The following CFTR variants were observed in gnomAD, a reference collection of about 807,000 sequenced individuals.
The protein encoded by CFTR is CF transmembrane conductance regulator, also known as cystic fibrosis transmembrane conductance regulator.
In CFTR, 181 loss-of-function variants were observed where a neutral mutation model predicts 171.6. That is an observed-to-expected ratio of 1.05 (90% CI 0.93 to 1.19). CFTR has a LOEUF of 1.19. CFTR is among the 50% of genes most tolerant of loss of function. The pLI, the probability that CFTR is intolerant of heterozygous loss-of-function variation, is 0.00. For missense variants in CFTR, 1,968 were observed against 1,734.7 expected (o/e 1.13, Z -2.39); for synonymous variants, 583 against 608.0 (o/e 0.96, Z 0.60).
rs966524603 is a variant in CFTR, at chr7:117,559,458, T to C, written c.1393-6T>C. 22 of 1,588,544 alleles carry C rather than the reference T, an allele frequency of 1.4e-5. No individual in the cohort carries two copies. Among genetic ancestry groups the C allele is most frequent in the Non-Finnish European group, 1.9e-5 (22 of 1,157,532 alleles). ...ATGACCTAATAATGATGGGTTTTAT[T>C]TCCAGACTTCACTTCTAATGGTGAT... On this transcript the variant is annotated splice_region_variant and splice_polypyrimidine_tract_variant and intron_variant, in intron 10 of 26. Coordinates refer to ENST00000003084, the MANE Select transcript of CFTR (RefSeq NM_000492.4).
At position 117,591,125 on chromosome 7, in the gene CFTR, T is replaced by C. The variant is rs566249889; in HGVS notation, c.1766+686T>C. On this transcript the variant is annotated intron_variant, in intron 13 of 26. Transcript: ENST00000003084. Reference sequence around the variant, plus strand: ...AATAAAGATGTATATGTATATAAAATGGCTGGGTTATTCCTAGAAGTACCT... The same window carrying C: ...AATAAAGATGTATATGTATATAAAACGGCTGGGTTATTCCTAGAAGTACCT... Among the ~76,000 whole-genome samples the C allele has an allele frequency of 4.6e-5, 7 of 152,266 alleles. No homozygotes were observed. The South Asian group carries it at 1.2e-3, about 27-fold the overall frequency.
intron 10 of CFTR, among the ~76,000 whole-genome samples, chr7:117,552,184 A>G (rs1799283589): frequency 6.6e-6 from 1 of 151,950 alleles, no homozygotes; most frequent in Non-Finnish European, 1.5e-5. Context: ...GCTGAACTTC[A>G]GTGGTGTGAT....
At chr7:117,483,512 G>A (rs893234693) in intron 1 of CFTR, among the ~76,000 whole-genome samples, 11 of 151,854 alleles carry the variant, frequency 7.2e-5, no homozygotes, top group Non-Finnish European at 1.5e-4. Context: ...CTAATTTTAG[G>A]TGTTTTCATT....
chr7:117,668,062 A>C lies in CFTR; in HGVS notation c.*954A>C, dbSNP rs771992860. 3.3e-5 allele frequency: 5 copies of C among 152,232 alleles called. No individual in the cohort carries two copies. The highest frequency in any genetic ancestry group is 7.3e-5 in the Non-Finnish European group (5 of 68,068). 9.4% of individuals were successfully genotyped at this position (152,232 alleles called of 1,614,324 possible). A position where few individuals can be genotyped will look rare whatever the true frequency, so the allele number is the denominator to read the frequency against. On this transcript the variant is annotated 3_prime_UTR_variant, in exon 27 of 27. Coordinates refer to ENST00000003084, the MANE Select transcript of CFTR (RefSeq NM_000492.4). ...CTGTGGGTAGACACACATGAAGTCC[A>C]AGCATTTAGATGTATAGGTTGATGG...
intron 3 of CFTR, among the ~76,000 whole-genome samples, chr7:117,518,119 T>C (rs1023791562): frequency 6.6e-6 from 1 of 151,942 alleles, no homozygotes; most frequent in Non-Finnish European, 1.5e-5. Context: ...AAGTGCTCTC[T>C]CTATATATGG....
intron 25 of CFTR, 116 bp from the exon 26 acceptor site, chr7:117,665,343 G>T (rs143287422): frequency 1.3e-3 from 892 of 700,334 alleles, no homozygotes; most frequent in Non-Finnish European, 1.4e-3. Context: ...TATGTGAAAA[G>T]AACTTAAAGA....
intron 15 of CFTR, among the ~76,000 whole-genome samples, chr7:117,600,142 T>A (rs974112545): frequency 1.3e-5 from 2 of 152,046 alleles, no homozygotes; most frequent in Non-Finnish European, 2.9e-5. Flanking sequence ...GAAAAAAAAT[T>A]AATTTGGTCT....
chr7:117,516,911 A>G (rs1798603440), intron 3 of CFTR, among the ~76,000 whole-genome samples: 1 of 152,134 alleles, frequency 6.6e-6, no homozygotes, highest in African/African-American at 2.4e-5. Flanking sequence ...CAATTTCATT[A>G]TTGTAAAGTG....
At chr7:117,538,057 C>T (rs1440136375) in intron 7 of CFTR, among the ~76,000 whole-genome samples, 5 of 152,196 alleles carry the variant, frequency 3.3e-5, no homozygotes, top group Admixed American at 1.3e-4. Context: ...ATCTATCCCT[C>T]TTACTTGGAA....
At chr7:117,588,308 A>C (rs1791976239) in intron 12 of CFTR, among the ~76,000 whole-genome samples, 1 of 152,122 alleles carries the variant, frequency 6.6e-6, no homozygotes, top group Non-Finnish European at 1.5e-5. Context: ...ATAATATTTA[A>C]AATAAACAGG....
Position 117,592,394 on chromosome 7 carries a change from G to C in CFTR, c.2227G>C (p.Glu743Gln). The C allele has an allele frequency of 6.2e-7, 1 of 1,614,012 alleles. No individual in the cohort carries two copies. The highest frequency in any genetic ancestry group is 1.3e-5 in the African/African-American group (1 of 75,060). The change falls in exon 14 of 27, where the codon GAG becomes CAG. Residue 743 changes from glutamate to glutamine, a missense_variant. Physicochemically the swap from Glu to Gln is conservative, Grantham distance 29 (BLOSUM62 2). Coordinates refer to ENST00000003084, the MANE Select transcript of CFTR (RefSeq NM_000492.4). ...AAGGCTGTCCTTAGTACCAGATTCT[G>C]AGCAGGGAGAGGCGATACTGCCTCG... ...ERRLSLVPDS[E>Q]QGEAILPRIS...
intron 12 of CFTR, among the ~76,000 whole-genome samples, chr7:117,588,264 AGGAAG>A (rs1328702481): frequency 7.9e-5 from 12 of 152,150 alleles, no homozygotes; most frequent in Admixed American, 4.6e-4. Context: ...ATAACAAAAT[AGGAAG>A]GCAAATGATG....
At position 117,535,278 on chromosome 7, in the gene CFTR, G is replaced by C. The variant is rs748026786; in HGVS notation, c.610G>C (p.Ala204Pro). The C allele has an allele frequency of 6.2e-7, 1 of 1,612,266 alleles. No homozygotes were observed. Among genetic ancestry groups the C allele is most frequent in the East Asian group, 2.2e-5 (1 of 44,738 alleles). Residue 204 changes from alanine to proline, a missense_variant, in exon 6 of 27, where the codon GCT (alanine) becomes CCT (proline). By Grantham distance (27) the Ala-to-Pro change is conservative. Transcript: ENST00000003084. ...GLALAHFVWI[A>P]PLQVALLMGL... ...TGCATTGGCACATTTCGTGTGGATC[G>C]CTCCTTTGCAAGTGGCACTCCTCAT...
At chr7:117,632,907 T>C (rs1261312074) in intron 22 of CFTR, among the ~76,000 whole-genome samples, 1 of 152,236 alleles carries the variant, frequency 6.6e-6, no homozygotes, top group Admixed American at 6.5e-5. Flanking sequence ...CTCAATCTTT[T>C]AATTCAACTA....
intron 24 of CFTR, among the ~76,000 whole-genome samples, chr7:117,657,954 A>G (rs1209524154): frequency 6.6e-6 from 1 of 152,194 alleles, no homozygotes; most frequent in East Asian, 1.9e-4. Flanking sequence ...ACTTGTACCT[A>G]GTTACTAGCT....
chr7:117,643,647 T>G (rs948456538), intron 23 of CFTR, among the ~76,000 whole-genome samples: 3 of 152,126 alleles, frequency 2.0e-5, no homozygotes, highest in Admixed American at 6.6e-5. Context: ...AAAAAGGGAT[T>G]GTCAGATGAT....
intron 22 of CFTR, among the ~76,000 whole-genome samples, chr7:117,640,790 A>T (rs1792900484): frequency 6.6e-6 from 1 of 152,164 alleles, no homozygotes; most frequent in African/African-American, 2.4e-5. Flanking sequence ...AACAAAATTG[A>T]TTAAATCCAT....
intron 3 of CFTR, among the ~76,000 whole-genome samples, chr7:117,520,367 T>C (rs1326354490): frequency 6.6e-6 from 1 of 151,786 alleles, no homozygotes; most frequent in African/African-American, 2.4e-5. Context: ...ATTATTCTTT[T>C]ATAAAGGCCC....
chr7:117,550,965 A>G (rs1030911561), intron 10 of CFTR, among the ~76,000 whole-genome samples: 2 of 152,246 alleles, frequency 1.3e-5, no homozygotes, highest in African/African-American at 4.8e-5. Flanking sequence ...TAGCTAAAAT[A>G]TAAGATTGAA....
Sources: allele counts gnomAD v4.1 joint callset (sites outside exome capture counted in the v4.1 genomes callset), GRCh38; gene constraint gnomAD v4.1.1; transcripts MANE v1.5; gene names NCBI Gene and HGNC (gene_info 2026-07-23, HGNC 2026-07-21).